Variants in SLF1 observed in about 807,000 individuals in gnomAD.
SLF1 encodes SMC5-SMC6 complex localization factor protein 1.
In SLF1, 105 loss-of-function variants were observed where a neutral mutation model predicts 123.0. The observed-to-expected ratio is 0.85, with a 90% CI of 0.73 to 1.00. The LOEUF is 1.00. Among genes scored for constraint, SLF1 ranks in the 50% least tolerant of loss-of-function variants. The pLI, the probability that SLF1 is intolerant of heterozygous loss-of-function variation, is 0.00. For synonymous variants in SLF1, 434 were observed against 406.6 expected (o/e 1.07, Z -0.81); for missense variants, 1,239 against 1,223.0 (o/e 1.01, Z -0.20).
intron 1 of SLF1, among the ~76,000 whole-genome samples, chr5:94,626,922 CT>C (rs1792300626): frequency 6.6e-6 from 1 of 152,140 alleles, no homozygotes; most frequent in Non-Finnish European, 1.5e-5. Flanking sequence ...TGCAGTTACC[CT>C]AGCTGAACTT....
intron 5 of SLF1, among the ~76,000 whole-genome samples, chr5:94,646,709 A>G (rs1027891265): frequency 3.9e-4 from 60 of 152,338 alleles, no homozygotes; most frequent in African/African-American, 1.4e-3. Context: ...GAAACAGCAT[A>G]GACTTTTTGA....
At chr5:94,632,816 T>G (rs1042795390) in intron 4 of SLF1, among the ~76,000 whole-genome samples, 2 of 152,076 alleles carry the variant, frequency 1.3e-5, no homozygotes, top group African/African-American at 4.8e-5. Context: ...TTCTTCTGCC[T>G]CAGCCTCCTG....
chr5:94,645,073 T>C (rs1430495985), intron 5 of SLF1, among the ~76,000 whole-genome samples: 1 of 152,186 alleles, frequency 6.6e-6, no homozygotes, highest in East Asian at 1.9e-4. Context: ...CTATGGATAA[T>C]CTCATTGTCC....
intron 18 of SLF1, among the ~76,000 whole-genome samples, chr5:94,690,431 A>G (rs1269502209): frequency 6.6e-6 from 1 of 152,204 alleles, no homozygotes; most frequent in African/African-American, 2.4e-5. Flanking sequence ...ATTATATTAG[A>G]TGAGAACTCA....
At chr5:94,649,641 A>T in intron 6 of SLF1, 44 bp downstream of exon 6, 1 of 1,392,722 alleles carries the variant, frequency 7.2e-7, no homozygotes, top group Non-Finnish European at 9.5e-7. Flanking sequence ...GATGTTTCTT[A>T]TAGAATTGTT....
intron 16 of SLF1, among the ~76,000 whole-genome samples, 161 bp from the exon 17 acceptor site, chr5:94,688,345 A>G (rs1752685511): frequency 1.3e-5 from 2 of 152,196 alleles, no homozygotes; most frequent in African/African-American, 2.4e-5. Flanking sequence ...ACACAAAACT[A>G]GTTTTCTTAA....
chr5:94,682,774 T>G (rs1751961488), intron 15 of SLF1, among the ~76,000 whole-genome samples: 1 of 152,220 alleles, frequency 6.6e-6, no homozygotes, highest in Non-Finnish European at 1.5e-5. Context: ...AAGCTCAAAT[T>G]ATCTGAAATT....
chr5:94,634,861 T>A (rs1211597434), intron 4 of SLF1, among the ~76,000 whole-genome samples: 1 of 152,232 alleles, frequency 6.6e-6, no homozygotes, highest in Non-Finnish European at 1.5e-5. Flanking sequence ...ATGAGAAGTG[T>A]CTATTCAGAT....
chr5:94,646,470 A>C (rs1747072593), intron 5 of SLF1, among the ~76,000 whole-genome samples: 1 of 152,166 alleles, frequency 6.6e-6, no homozygotes, highest in Non-Finnish European at 1.5e-5. Context: ...AGCAATGGAG[A>C]AAAAGCATGG....
At chr5:94,685,556 A>G (rs2152496585) in intron 15 of SLF1, among the ~76,000 whole-genome samples, 1 of 152,302 alleles carries the variant, frequency 6.6e-6, no homozygotes, top group East Asian at 1.9e-4. Context: ...TCACATGGGA[A>G]ATAGTCACTC....
chr5:94,683,978 G>T (rs993656780), intron 15 of SLF1, among the ~76,000 whole-genome samples: 3 of 152,206 alleles, frequency 2.0e-5, no homozygotes, highest in East Asian at 3.9e-4. Context: ...TAATTTTCTT[G>T]TGTTCTCTTG....
In SLF1 at chr5:94,678,972, T is replaced by C; in HGVS notation, c.1975+17T>C. ...CGTGTGATGGTAAGTTTGTCTATGTTCTGTTTTTTTCAGACCCATTCTGGA... is the reference window on the plus strand; with the variant it reads ...CGTGTGATGGTAAGTTTGTCTATGTCCTGTTTTTTTCAGACCCATTCTGGA... On this transcript the variant is annotated intron_variant, in intron 15 of 20. Coordinates refer to ENST00000265140, the MANE Select transcript of SLF1 (RefSeq NM_032290.4). The C allele has an allele frequency of 9.3e-6, 15 of 1,608,838 alleles. No individual in the cohort carries two copies. The highest frequency in any genetic ancestry group is 1.2e-5 in the Non-Finnish European group (14 of 1,177,144).
chr5:94,623,415 T>A (rs1229796112), intron 1 of SLF1, among the ~76,000 whole-genome samples: 1 of 152,178 alleles, frequency 6.6e-6, no homozygotes, highest in East Asian at 1.9e-4. Flanking sequence ...AAGAATGTCA[T>A]ATAATTTTAA....
chr5:94,682,477 G>C (rs912624083), intron 15 of SLF1, among the ~76,000 whole-genome samples: 3 of 152,112 alleles, frequency 2.0e-5, no homozygotes, highest in Admixed American at 2.0e-4. Flanking sequence ...TCCAGTTGAA[G>C]ATATCGGTCC....
chr5:94,618,559 T>A (rs1000559480), upstream of SLF1: 5 of 153,688 alleles, frequency 3.3e-5, no homozygotes, highest in Non-Finnish European at 1.5e-5. Flanking sequence ...AGACTCAAGC[T>A]CTGCACCAGG....
intron 5 of SLF1, among the ~76,000 whole-genome samples, chr5:94,644,463 G>A (rs2152475045): frequency 6.6e-6 from 1 of 152,216 alleles, no homozygotes; most frequent in African/African-American, 2.4e-5. Flanking sequence ...CAGGATTCCT[G>A]TCATTTCTGT....
chr5:94,684,499 C>A (rs538885138), intron 15 of SLF1, among the ~76,000 whole-genome samples: 1 of 151,906 alleles, frequency 6.6e-6, no homozygotes, highest in South Asian at 2.1e-4. Flanking sequence ...GAGATTGAGA[C>A]CATCCTGGCT....
At chr5:94,691,401 C>A in intron 18 of SLF1, 163 bp from the exon 19 acceptor site, 1 of 217,826 alleles carries the variant, frequency 4.6e-6, no homozygotes, top group Non-Finnish European at 8.9e-6. Flanking sequence ...CCACCCCCCA[C>A]CCCCGCCTTT....
At chr5:94,667,739 T>C (rs900987880) in intron 12 of SLF1, among the ~76,000 whole-genome samples, 1 of 152,066 alleles carries the variant, frequency 6.6e-6, no homozygotes, top group Non-Finnish European at 1.5e-5. Context: ...CCTAGCTTTT[T>C]TGTTTGTTTG....
Sources: gnomAD v4.1 joint callset for allele counts (sites outside exome capture counted in the v4.1 genomes callset) on GRCh38, gnomAD v4.1.1 for gene constraint, MANE v1.5 for transcripts, NCBI Gene and HGNC (gene_info 2026-07-23, HGNC 2026-07-21) for gene names.